Variants in LIPJ observed in about 807,000 individuals in gnomAD.
LIPJ encodes the protein lipase family member J.
Under a neutral mutation model 39.8 loss-of-function variants are expected in LIPJ, and 33 were observed. The ratio of observed to expected loss-of-function variants is 0.83; its 90% CI spans 0.63 to 1.11. LIPJ has a LOEUF of 1.11. Among genes scored for constraint, LIPJ ranks in the 50% least tolerant of loss-of-function variants. The pLI, the probability that LIPJ is intolerant of heterozygous loss-of-function variation, is 0.00. For missense variants in LIPJ, 422 were observed against 427.9 expected, an observed-to-expected ratio of 0.99 and a Z score of 0.12; for synonymous variants, 128 against 139.2, an observed-to-expected ratio of 0.92 and a Z score of 0.57.
intron 7 of LIPJ, 45 bp from the exon 8 acceptor site, chr10:88,596,745 T>G: frequency 1.3e-6 from 2 of 1,484,336 alleles, no homozygotes; most frequent in Non-Finnish European, 1.9e-6. Context: ...TCTTTAGCAC[T>G]TATTGTGGTC....
rs756209185 is a variant in LIPJ, at chr10:88,602,641, G to A, written c.789G>A (p.Trp263Ter). 1 of 1,577,138 alleles carries A rather than the reference G, an allele frequency of 6.3e-7. No homozygotes were observed. Among genetic ancestry groups the A allele is most frequent in the Admixed American group, 1.7e-5 (1 of 58,120 alleles). The change falls in exon 9 of 11, where the codon TGG (tryptophan) becomes TGA (stop). Residue 263 changes from tryptophan (W) to a stop codon, truncating the protein, a stop_gained. Transcript: ENST00000371939. LOFTEE classifies it high-confidence loss of function. ...CATCTGTTCAAAATATGCTTCATTGGAGTCAGGTATAACTGCTAAAGTGCA... is the reference window on the plus strand; with the variant it reads ...CATCTGTTCAAAATATGCTTCATTGAAGTCAGGTATAACTGCTAAAGTGCA...
chr10:88,584,997 T>C (rs776642105), upstream of LIPJ, among the ~76,000 whole-genome samples: 1 of 152,230 alleles, frequency 6.6e-6, no homozygotes, highest in Non-Finnish European at 1.5e-5. Context: ...GGAAATAGTG[T>C]ACAATTATAC....
chr10:88,619,400 A>G, the LIPJ span, among the ~76,000 whole-genome samples: 3 of 151,412 alleles, frequency 2.0e-5, no homozygotes, highest in Admixed American at 6.6e-5. Context: ...CAAATAATAG[A>G]AAAAATAATT....
intron 8 of LIPJ, among the ~76,000 whole-genome samples, chr10:88,599,250 C>A (rs1238855303): frequency 4.6e-5 from 7 of 151,650 alleles, no homozygotes; most frequent in Non-Finnish European, 2.9e-5. Context: ...ACATCTATCA[C>A]CTCACATAGT....
chr10:88,605,481 C>G, intron 9 of LIPJ, 152 bp from the exon 10 acceptor site: 1 of 655,090 alleles, frequency 1.5e-6, no homozygotes, highest in Non-Finnish European at 2.7e-6. Flanking sequence ...ATTTATTTCC[C>G]TATCCAAAGG....
chr10:88,583,125 C>A (rs1850753487), upstream of LIPJ: 1 of 1,614,018 alleles, frequency 6.2e-7, no homozygotes, highest in Non-Finnish European at 8.5e-7. Context: ...CGGACGTCTG[C>A]CTCCTCAGCA....
At chr10:88,613,800 A>ATATATATGTGTGTGTG in the LIPJ span, among the ~76,000 whole-genome samples, 121 of 74,150 alleles carry the variant, frequency 1.6e-3, no homozygotes, top group Middle Eastern at 7.2e-3. Flanking sequence ...ATATATATAT[A>ATATATATGTGTGTGTG]TGTGTGTGTG....
upstream of LIPJ, among the ~76,000 whole-genome samples, chr10:88,586,268 A>T (rs1379841579): frequency 1.3e-5 from 2 of 152,184 alleles, no homozygotes; most frequent in Non-Finnish European, 2.9e-5. Context: ...TTTCACAGTT[A>T]ATAGCATAAT....
At chr10:88,605,010 T>C (rs1422188913) in intron 9 of LIPJ, among the ~76,000 whole-genome samples, 2 of 151,862 alleles carry the variant, frequency 1.3e-5, no homozygotes, top group African/African-American at 4.8e-5. Context: ...AAAGTAAAAA[T>C]GAAGATAAAG....
chr10:88,583,140 A>G (rs1302919379), upstream of LIPJ: 4 of 1,613,958 alleles, frequency 2.5e-6, no homozygotes, highest in Non-Finnish European at 3.4e-6. Context: ...TCAGCAGCGC[A>G]GCGCACAAGC....
chr10:88,583,423 T>G, upstream of LIPJ: 7 of 1,353,530 alleles, frequency 5.2e-6, no homozygotes, highest in Non-Finnish European at 5.7e-6. Context: ...GAACCGGGGC[T>G]GTCTGTCTTC....
chr10:88,613,770 G>GTATATATATATA, the LIPJ span, among the ~76,000 whole-genome samples: 730 of 75,386 alleles, frequency 9.7e-3, 20 homozygotes, highest in Non-Finnish European at 0.014. Context: ...ATGTGTGTGT[G>GTATATATATATA]TATATATATA....
chr10:88,595,788 T>C (rs954232382), intron 6 of LIPJ, among the ~76,000 whole-genome samples: 25 of 151,676 alleles, frequency 1.6e-4, no homozygotes, highest in African/African-American at 5.8e-4. Context: ...AAAATGACTA[T>C]TTTTCACATT....
In LIPJ at chr10:88,605,667, G is replaced by A. The variant is rs759977822; in HGVS notation, c.830G>A (p.Trp277Ter). ...TCTACTCATTTGAAAGCTTATGACT[G>A]GGGCAGTCCTGATCTGAACTTGGTT... is the stretch of plus-strand genomic sequence containing the variant. Residue 277 changes from tryptophan to a stop codon, truncating the protein, a stop_gained, in exon 10 of 11, where the codon TGG (tryptophan) becomes TAG (stop). Coordinates refer to ENST00000371939, the Ensembl canonical transcript of LIPJ. LOFTEE classifies it low-confidence loss of function (END_TRUNC). 64 of 1,611,518 alleles carry A rather than the reference G, an allele frequency of 4.0e-5. No individual in the cohort carries two copies. Among genetic ancestry groups the A allele is most frequent in the Admixed American group, 3.3e-4 (20 of 59,940 alleles).
At chr10:88,600,130 C>T (rs72820102) in intron 8 of LIPJ, among the ~76,000 whole-genome samples, 452 of 152,048 alleles carry the variant, frequency 3.0e-3, no homozygotes, top group Non-Finnish European at 5.4e-3. Flanking sequence ...GTGTTTATAT[C>T]CACATCCTAA....
chr10:88,604,472 A>G (rs187409783), intron 9 of LIPJ, among the ~76,000 whole-genome samples: 9 of 152,322 alleles, frequency 5.9e-5, no homozygotes, highest in Admixed American at 4.6e-4. Flanking sequence ...CAATCATCCA[A>G]ATGGGAAATG....
At chr10:88,591,637 C>G (rs1289501623) in intron 4 of LIPJ, 139 bp downstream of exon 4, 2 of 639,944 alleles carry the variant, frequency 3.1e-6, no homozygotes, top group Non-Finnish European at 4.9e-6. Flanking sequence ...TTCTCGCATG[C>G]TACAAGAAGA....
exon 3 of LIPJ, chr10:88,590,673 A>AG (rs1468181597): frequency 9.5e-6 from 15 of 1,586,854 alleles, no homozygotes; most frequent in Admixed American, 3.4e-5. Flanking sequence ...AAGATCTGTG[A>AG]AACCTGAAGC....
At chr10:88,595,629 G>GA (rs1851228369) in intron 6 of LIPJ, among the ~76,000 whole-genome samples, 1 of 151,574 alleles carries the variant, frequency 6.6e-6, no homozygotes, top group Admixed American at 6.6e-5. Flanking sequence ...AGTGAGTAAT[G>GA]AGTGTCAGAG....
Sources: gnomAD v4.1 joint callset for allele counts (sites outside exome capture counted in the v4.1 genomes callset) on GRCh38, gnomAD v4.1.1 for gene constraint, MANE v1.5 for transcripts, NCBI Gene and HGNC (gene_info 2026-07-23, HGNC 2026-07-21) for gene names.